Variants in PAFAH2 observed in about 807,000 individuals in gnomAD.
PAFAH2 encodes the protein platelet-activating factor acetylhydrolase 2, cytoplasmic.
A neutral mutation model predicts 49.0 loss-of-function variants in PAFAH2; 42 were observed. The observed-to-expected ratio is 0.86, with a 90% CI of 0.67 to 1.11. PAFAH2 has a LOEUF of 1.11. Among genes scored for constraint, PAFAH2 ranks in the 50% least tolerant of loss-of-function variants. The pLI is 0.00. For missense variants in PAFAH2, 503 were observed against 501.8 expected (o/e 1.00, Z -0.02); for synonymous variants, 184 against 181.3 (o/e 1.01, Z -0.12).
At chr1:25,989,014 C>T (rs1188464609) in intron 3 of PAFAH2, among the ~76,000 whole-genome samples, 2 of 151,934 alleles carry the variant, frequency 1.3e-5, no homozygotes, top group African/African-American at 4.8e-5. Context: ...ACTGTACGCT[C>T]CTTGACAGTT....
At position 25,963,969 on chromosome 1, in the gene PAFAH2, T is replaced by A. The variant is rs2049381754; in HGVS notation, c.1085-1886A>T. ...TAAGGCTGCAGCGTGCCTGGCGCGTTCGAGGCTCATGTGGTGAGAGTGAAG... is the reference window on the plus strand; with the variant it reads ...TAAGGCTGCAGCGTGCCTGGCGCGTACGAGGCTCATGTGGTGAGAGTGAAG... On this transcript the variant is annotated intron_variant, in intron 10 of 10. Transcript: ENST00000374282. Among the ~76,000 whole-genome samples, 3 of 152,160 alleles carry A rather than the reference T, an allele frequency of 2.0e-5. No individual in the cohort carries two copies. The South Asian group carries it at 6.2e-4, about 32-fold the overall frequency.
Position 25,963,748 on chromosome 1 carries a change from G to A in PAFAH2, c.1085-1665C>T, listed in dbSNP as rs369559833. Among the ~76,000 whole-genome samples the A allele has an allele frequency of 2.2e-4, 33 of 152,284 alleles. 1 individual carries two copies. The South Asian group carries it at 6.2e-3, about 29-fold the overall frequency. Reference sequence around the variant, plus strand: ...GATCTCTTGACCTTGTGATCCGCCCGCCTCGGCCTCCCAAAGTGTTGGGAT... The same window carrying A: ...GATCTCTTGACCTTGTGATCCGCCCACCTCGGCCTCCCAAAGTGTTGGGAT... On this transcript the variant is annotated intron_variant, in intron 10 of 10. Transcript: ENST00000374282.
intron 1 of PAFAH2, 150 bp from the exon 2 acceptor site, chr1:25,991,013 T>C: frequency 1.9e-6 from 1 of 537,318 alleles, no homozygotes; most frequent in East Asian, 3.1e-5. Context: ...ACTACTTTGC[T>C]ACATTGCCTT....
At chr1:25,975,656 G>A (rs1197484602) in intron 8 of PAFAH2, among the ~76,000 whole-genome samples, 4 of 152,148 alleles carry the variant, frequency 2.6e-5, no homozygotes, top group East Asian at 1.9e-4. Context: ...AAAACTCTAA[G>A]ACATATCCTG....
At chr1:25,968,386 TTGG>T (rs1466665303) in intron 10 of PAFAH2, among the ~76,000 whole-genome samples, 1 of 151,986 alleles carries the variant, frequency 6.6e-6, no homozygotes, top group Non-Finnish European at 1.5e-5. Context: ...TTCCATTTTC[TTGG>T]TGAAGTGGGA....
intron 5 of PAFAH2, 87 bp from the exon 6 acceptor site, chr1:25,984,174 A>C: frequency 1.3e-6 from 2 of 1,509,034 alleles, no homozygotes; most frequent in Admixed American, 3.4e-5. Context: ...TTCATCCAGG[A>C]GGCTCTAGAT....
chr1:25,960,772 C>T lies in PAFAH2; in HGVS notation c.*1217G>A, dbSNP rs966470408. On this transcript the variant is annotated 3_prime_UTR_variant, in exon 11 of 11. Coordinates refer to ENST00000374282, the MANE Select transcript of PAFAH2 (RefSeq NM_000437.4). ...AGGCCTCTCTGGGAGTGGCCTTCTG[C>T]GTTTTTAAATTTTATTTATTTTAAA... 2 of 149,930 alleles carry T rather than the reference C, an allele frequency of 1.3e-5. No individual in the cohort carries two copies. The highest frequency in any genetic ancestry group is 3.0e-5 in the Non-Finnish European group (2 of 67,624). The allele number at this position is 149,930 out of a possible 1,614,324, so 9.3% of individuals were successfully genotyped here.
At chr1:25,991,677 G>A (rs2049878522) in intron 1 of PAFAH2, among the ~76,000 whole-genome samples, 1 of 149,558 alleles carries the variant, frequency 6.7e-6, no homozygotes, top group Non-Finnish European at 1.5e-5. Flanking sequence ...CAGATCACCT[G>A]AGGTCAGGAG....
rs554992685 is a variant in PAFAH2, at chr1:25,981,193, C to T, written c.666+1171G>A. On this transcript the variant is annotated intron_variant, in intron 7 of 10. Transcript: ENST00000374282. ...AAATGAAAATAAGGCCACAAAACAGCTTGTATTAAATGATAACATAATTGT... is the reference window on the plus strand; with the variant it reads ...AAATGAAAATAAGGCCACAAAACAGTTTGTATTAAATGATAACATAATTGT... Among the ~76,000 whole-genome samples the T allele has an allele frequency of 1.1e-3, 159 of 145,704 alleles. 1 individual carries two copies. Among genetic ancestry groups the T allele is most frequent in the Non-Finnish European group, 2.0e-3 (133 of 66,188 alleles).
intron 4 of PAFAH2, among the ~76,000 whole-genome samples, chr1:25,987,148 C>T (rs1048154448): frequency 5.3e-5 from 8 of 151,432 alleles, no homozygotes; most frequent in South Asian, 2.1e-4. Flanking sequence ...GCAGAAGAAT[C>T]GCTTGAACCC....
chr1:25,990,896 G>A, intron 1 of PAFAH2, 33 bp from the exon 2 acceptor site: 1 of 1,113,296 alleles, frequency 9.0e-7, no homozygotes, highest in East Asian at 2.5e-5. Flanking sequence ...GCAGCCGCTT[G>A]CTGGTTTCCT....
intron 8 of PAFAH2, 61 bp from the exon 9 acceptor site, chr1:25,974,711 G>A (rs1396232642): frequency 6.6e-7 from 1 of 1,518,914 alleles, no homozygotes; most frequent in East Asian, 2.4e-5. Flanking sequence ...TAGTTAGGGT[G>A]GTGGAGGGAA....
chr1:25,976,854 T>C (rs2049597556), intron 7 of PAFAH2, 81 bp from the exon 8 acceptor site: 1 of 1,152,686 alleles, frequency 8.7e-7, no homozygotes, highest in Non-Finnish European at 1.3e-6. Flanking sequence ...GAGGAAGAAA[T>C]AGTGAGGCAA....
At chr1:25,962,127 GT>G in intron 10 of PAFAH2, 44 bp from the exon 11 acceptor site, 1 of 1,522,064 alleles carries the variant, frequency 6.6e-7, no homozygotes. Flanking sequence ...TCATTGTGAG[GT>G]TTGGTCAAAG....
In PAFAH2 at chr1:25,990,727, C is replaced by T. The variant is rs866971657; in HGVS notation, c.90G>A (p.Gln30=). Residue 30 remains glutamine (Q), a splice_region_variant and synonymous_variant, in exon 2 of 11, where the codon CAG becomes CAA. Transcript: ENST00000374282. ...CGDVMEGQNL[Q]GSFFRLFYPC... ...AAGAAAGGGAGCTGGGGACACTTAC[C>T]TGGAGATTCTGACCCTCCATCACAT... The T allele has an allele frequency of 1.2e-6, 2 of 1,612,470 alleles. No homozygotes were observed. Among genetic ancestry groups the T allele is most frequent in the Non-Finnish European group, 1.7e-6 (2 of 1,178,644 alleles).
intron 10 of PAFAH2, among the ~76,000 whole-genome samples, chr1:25,968,300 T>A (rs2049458553): frequency 6.6e-6 from 1 of 152,066 alleles, no homozygotes; most frequent in South Asian, 2.1e-4. Flanking sequence ...GGAACTCTAG[T>A]AACCGAAAGG....
intron 1 of PAFAH2, among the ~76,000 whole-genome samples, chr1:25,995,154 T>G (rs2049921601): frequency 6.6e-6 from 1 of 152,196 alleles, no homozygotes; most frequent in Non-Finnish European, 1.5e-5. Context: ...AGCCTCTCCA[T>G]CCACTGAGGC....
chr1:25,992,977 GC>G (rs1309923419), intron 1 of PAFAH2, among the ~76,000 whole-genome samples: 2 of 152,178 alleles, frequency 1.3e-5, no homozygotes, highest in African/African-American at 4.8e-5. Flanking sequence ...CTGTCAAGTG[GC>G]CTTGAACCAC....
At chr1:25,979,718 G>C (rs2049653488) in intron 7 of PAFAH2, among the ~76,000 whole-genome samples, 1 of 152,158 alleles carries the variant, frequency 6.6e-6, no homozygotes, top group Non-Finnish European at 1.5e-5. Flanking sequence ...TCGAACTCCT[G>C]ACCTAAGGTG....
Sources: allele counts gnomAD v4.1 joint callset (sites outside exome capture counted in the v4.1 genomes callset), GRCh38; gene constraint gnomAD v4.1.1; transcripts MANE v1.5; gene names NCBI Gene and HGNC (gene_info 2026-07-23, HGNC 2026-07-21).